Variants in PTPRM observed in about 807,000 individuals in gnomAD.
The protein encoded by PTPRM is protein tyrosine phosphatase receptor type M.
PTPRM carries 47 observed loss-of-function variants against 186.7 expected under a neutral mutation model. The observed-to-expected ratio is 0.25, with a 90% confidence interval of 0.20 to 0.32. The LOEUF (loss-of-function observed/expected upper bound fraction) is 0.32, where lower values mean the gene tolerates loss of function less well. Ranked by LOEUF, PTPRM falls within the 10% of genes least tolerant of loss-of-function variation. The pLI is 1.00. For missense variants in PTPRM, 1,494 were observed against 1,865.0 expected, an observed-to-expected ratio of 0.80 and a Z score of 3.66; for synonymous variants, 668 against 674.9, an observed-to-expected ratio of 0.99 and a Z score of 0.16.
intron 1 of PTPRM, among the ~76,000 whole-genome samples, chr18:7,729,438 GT>G (rs1437746040): frequency 3.9e-5 from 6 of 152,020 alleles, no homozygotes; most frequent in Non-Finnish European, 7.4e-5. Context: ...GTCTTTGAGT[GT>G]TATATTATCT....
chr18:7,616,142 T>A (rs2037797645), intron 1 of PTPRM, among the ~76,000 whole-genome samples: 1 of 152,138 alleles, frequency 6.6e-6, no homozygotes, highest in South Asian at 2.1e-4. Context: ...ATCAGGAAAG[T>A]CCAGCTGGGT....
At chr18:8,187,756 C>A (rs191767071) in intron 14 of PTPRM, among the ~76,000 whole-genome samples, 4 of 152,154 alleles carry the variant, frequency 2.6e-5, no homozygotes, top group Admixed American at 6.5e-5. Context: ...GTGACGGCAA[C>A]CATGGGGTCT....
chr18:7,905,731 C>T (rs1003161915), intron 3 of PTPRM, among the ~76,000 whole-genome samples: 1 of 152,176 alleles, frequency 6.6e-6, no homozygotes, highest in African/African-American at 2.4e-5. Flanking sequence ...GCTATTGGCA[C>T]AGATTTCACC....
At chr18:7,920,085 A>G (rs543621632) in intron 4 of PTPRM, among the ~76,000 whole-genome samples, 27 of 151,926 alleles carry the variant, frequency 1.8e-4, no homozygotes, top group African/African-American at 5.5e-4. Context: ...GAGTGCCTTT[A>G]TAGTTGAGGT....
At chr18:7,868,617 A>C (rs957194002) in intron 2 of PTPRM, among the ~76,000 whole-genome samples, 5 of 152,036 alleles carry the variant, frequency 3.3e-5, no homozygotes, top group African/African-American at 1.2e-4. Context: ...GAGCTCTCCT[A>C]TGTGAGGTGT....
intron 1 of PTPRM, among the ~76,000 whole-genome samples, chr18:7,703,746 G>A (rs1259704394): frequency 6.6e-6 from 1 of 152,122 alleles, no homozygotes; most frequent in Non-Finnish European, 1.5e-5. Flanking sequence ...TCCTTGTCTT[G>A]TGCCAGTTTT....
chr18:8,319,807 T>C lies in PTPRM; in HGVS notation c.2956+593T>C, dbSNP rs974682040. Among the ~76,000 whole-genome samples the C allele has an allele frequency of 4.6e-5, 7 of 151,816 alleles. No individual in the cohort carries two copies. In the East Asian group the frequency reaches 1.4e-3, roughly 29 times the overall value. Reference sequence around the variant, plus strand: ...AGCCCTTGTGAATGGAGAAACATCATGAGCAAAGATGTGGAAGCAGAAAGT... The same window carrying C: ...AGCCCTTGTGAATGGAGAAACATCACGAGCAAAGATGTGGAAGCAGAAAGT... On this transcript the variant is annotated intron_variant, in intron 22 of 32. Transcript: ENST00000580170.
intron 14 of PTPRM, among the ~76,000 whole-genome samples, chr18:8,175,976 T>C (rs1250142712): frequency 1.3e-5 from 2 of 152,206 alleles, no homozygotes; most frequent in African/African-American, 2.4e-5. Flanking sequence ...TGTGCTCTTC[T>C]TATGACTAAA....
chr18:7,968,569 G>A (rs1271701404), intron 7 of PTPRM, among the ~76,000 whole-genome samples: 2 of 40,202 alleles, frequency 5.0e-5, no homozygotes, highest in Admixed American at 2.9e-4. Flanking sequence ...CCCATCTCAC[G>A]TGCAGAGACA....
rs185602470 is a variant in PTPRM at position 7,961,872 on chromosome 18, G to T, written c.1132+6458G>T. Among the ~76,000 whole-genome samples, 34 of 152,252 alleles carry T rather than the reference G, an allele frequency of 2.2e-4. No individual in the cohort carries two copies. The East Asian group carries it at 6.6e-3, about 29-fold the overall frequency. On this transcript the variant is annotated intron_variant, in intron 7 of 32. Coordinates refer to ENST00000580170, the MANE Select transcript of PTPRM (RefSeq NM_001105244.2). Reference sequence around the variant, plus strand: ...TCTGTCTGCGTAGAGCTATATATTTGTCTGCCTAGTATCTGCCTAGTTAGA... The same window carrying T: ...TCTGTCTGCGTAGAGCTATATATTTTTCTGCCTAGTATCTGCCTAGTTAGA...
chr18:7,795,810 CTTTT>C (rs397741769), intron 2 of PTPRM, among the ~76,000 whole-genome samples: 1 of 117,760 alleles, frequency 8.5e-6, no homozygotes, highest in African/African-American at 3.2e-5. Flanking sequence ...TTCTTTCTTT[CTTTT>C]TTTTTTTTTT....
In PTPRM at chr18:8,384,673, A is replaced by G. The variant is rs149805385; in HGVS notation, c.4031A>G (p.Tyr1344Cys). 6.1e-5 allele frequency: 99 copies of G among 1,614,166 alleles called. No homozygotes were observed. The highest frequency in any genetic ancestry group is 7.8e-5 in the Non-Finnish European group (92 of 1,180,024). Residue 1344 changes from tyrosine to cysteine, a missense_variant, in exon 30 of 33, where the codon TAC becomes TGC. This residue lies in a region of PTPRM where 1,107 missense variants were observed against 1,350.2 expected (regional missense o/e 0.82). Transcript: ENST00000580170. ...ATCATCAGCAGGATATTCCGCATTT[A>G]CAATGCCGCCAGAGTAAGAGACGGG... ...EDIISRIFRI[Y>C]NAARPQDGYR...
intron 1 of PTPRM, among the ~76,000 whole-genome samples, chr18:7,578,091 C>T (rs1304690828): frequency 1.3e-5 from 2 of 152,030 alleles, no homozygotes; most frequent in Non-Finnish European, 2.9e-5. Flanking sequence ...TCTAAGTAGC[C>T]ATGAGACCTT....
intron 11 of PTPRM, among the ~76,000 whole-genome samples, chr18:8,089,582 G>GT (rs1211737412): frequency 1.3e-5 from 2 of 152,036 alleles, no homozygotes; most frequent in African/African-American, 4.8e-5. Flanking sequence ...GGATTTAAAT[G>GT]TTTTACCTTT....
chr18:7,889,847 A>G (rs1177869303), intron 3 of PTPRM, among the ~76,000 whole-genome samples: 2 of 152,172 alleles, frequency 1.3e-5, no homozygotes, highest in African/African-American at 4.8e-5. Flanking sequence ...CTTGTCACAG[A>G]GGCACTGCCA....
At chr18:8,360,630 T>G (rs1015700783) in intron 23 of PTPRM, among the ~76,000 whole-genome samples, 3 of 152,158 alleles carry the variant, frequency 2.0e-5, no homozygotes, top group South Asian at 2.1e-4. Flanking sequence ...GCTAGGACTT[T>G]GTATAAAGAA....
chr18:7,758,689 A>G (rs2041623734), intron 1 of PTPRM, among the ~76,000 whole-genome samples: 1 of 152,172 alleles, frequency 6.6e-6, no homozygotes, highest in Non-Finnish European at 1.5e-5. Flanking sequence ...TTTATTACTA[A>G]TTATCAGTAA....
intron 5 of PTPRM, among the ~76,000 whole-genome samples, chr18:7,930,120 G>A (rs1348511391): frequency 1.3e-5 from 2 of 152,126 alleles, no homozygotes; most frequent in Non-Finnish European, 2.9e-5. Flanking sequence ...CTAGGCTGGA[G>A]TGCAGTGGCA....
At chr18:8,310,371 G>A (rs1402034712) in intron 20 of PTPRM, among the ~76,000 whole-genome samples, 2 of 151,280 alleles carry the variant, frequency 1.3e-5, no homozygotes, top group Admixed American at 1.3e-4. Flanking sequence ...CGGTGCTCAG[G>A]ATGAAGGTCC....
Sources: allele counts gnomAD v4.1 joint callset (sites outside exome capture counted in the v4.1 genomes callset), GRCh38; gene constraint gnomAD v4.1.1; regional missense constraint gnomAD v4.1.1; transcripts MANE v1.5; gene names NCBI Gene and HGNC (gene_info 2026-07-23, HGNC 2026-07-21).